The following SLC12A7 variants were observed in gnomAD, a reference collection of about 807,000 sequenced individuals.
SLC12A7 encodes the protein solute carrier family 12 member 7, also known as K-Cl cotransporter 4.
Under a neutral mutation model 120.6 loss-of-function variants are expected in SLC12A7, and 100 were observed. The ratio of observed to expected loss-of-function variants is 0.83; its 90% confidence interval spans 0.71 to 0.98. SLC12A7 has a LOEUF of 0.98. SLC12A7 is among the 50% of genes least tolerant of loss of function. SLC12A7 has a pLI of 0.00. For synonymous variants in SLC12A7, 760 were observed against 678.0 expected, an observed-to-expected ratio of 1.12 and a Z score of -1.88; for missense variants, 1,373 against 1,548.1, an observed-to-expected ratio of 0.89 and a Z score of 1.90.
rs910549744 is a variant in SLC12A7, at chr5:1,051,305, C to T, written c.*1055G>A. The T allele has an allele frequency of 1.3e-5, 2 of 155,194 alleles. No homozygotes were observed. The highest frequency in any genetic ancestry group is 2.8e-5 in the Non-Finnish European group (2 of 71,928). 9.6% of individuals were successfully genotyped at this position (155,194 alleles called of 1,614,324 possible). On this transcript the variant is annotated 3_prime_UTR_variant, in exon 24 of 24. Transcript: ENST00000264930. ...GCCTGAGGACCTCCCACGTCGGGTC[C>T]GTGTCCTCCTTCCCTGGAGCACCGG...
chr5:1,083,002 C>T (rs1359715977), intron 8 of SLC12A7, among the ~76,000 whole-genome samples: 1 of 147,086 alleles, frequency 6.8e-6, no homozygotes, highest in East Asian at 2.0e-4. Context: ...GTCCGGGCTT[C>T]CCATCTCAGG....
In SLC12A7 at chr5:1,110,794, G is replaced by A. The variant is rs146091798; in HGVS notation, c.124+1074C>T. 1.3e-3 allele frequency among the ~76,000 whole-genome samples: 201 copies of A among 152,322 alleles called. 1 individual carries two copies. The highest frequency in any genetic ancestry group is 4.5e-3 in the African/African-American group (188 of 41,590). On this transcript the variant is annotated intron_variant, in intron 1 of 23. Coordinates refer to ENST00000264930, the MANE Select transcript of SLC12A7 (RefSeq NM_006598.3). Reference sequence around the variant, plus strand: ...GATCTGGGCTGGCCTCTGTGCAGAGGAAGCTGAGACCACTCTTCGCCCGCC... The same window carrying A: ...GATCTGGGCTGGCCTCTGTGCAGAGAAAGCTGAGACCACTCTTCGCCCGCC...
At chr5:1,117,555 C>G in the SLC12A7 span, among the ~76,000 whole-genome samples, 1 of 152,238 alleles carries the variant, frequency 6.6e-6, no homozygotes, top group Non-Finnish European at 1.5e-5. This position sits in a 1 kb window ranked among gnomAD's most constrained non-coding sequence, Gnocchi z 4.5. Context: ...CCTCCCTAAA[C>G]TGCTCCTAAA....
At chr5:1,112,129 T>G (rs2150916189), upstream of SLC12A7, 1 of 1,011,892 alleles carries the variant, frequency 9.9e-7, no homozygotes, top group East Asian at 3.7e-5. Context: ...TTCACCTGCT[T>G]GCCCCGCGGC....
At chr5:1,124,807 T>G in the SLC12A7 span, among the ~76,000 whole-genome samples, 1 of 151,948 alleles carries the variant, frequency 6.6e-6, no homozygotes, top group African/African-American at 2.4e-5. Flanking sequence ...AAAAAAGTGT[T>G]TAATCCAAAA....
At chr5:1,056,266 G>A (rs182426541) in intron 22 of SLC12A7, among the ~76,000 whole-genome samples, 18 of 152,272 alleles carry the variant, frequency 1.2e-4, no homozygotes, top group South Asian at 4.1e-4. Context: ...CGGGCCCTGC[G>A]AGGCGCACGC....
Position 1,077,965 on chromosome 5 carries a change from CAGCA to C in SLC12A7, c.1493_1496del (p.Met498ArgfsTer62). 1 of 1,596,014 alleles carries C rather than the reference CAGCA, an allele frequency of 6.3e-7. No homozygotes were observed. The highest frequency in any genetic ancestry group is 8.5e-7 in the Non-Finnish European group (1 of 1,172,146). ...CGATGACCCAGGGGGAGGGCCAGGC[CAGCA>C]TGCCGATGACCAGGTTCCCCTGCAG... On this transcript the variant is annotated frameshift_variant, in exon 12 of 24. Coordinates refer to ENST00000264930, the MANE Select transcript of SLC12A7 (RefSeq NM_006598.3). LOFTEE classifies it high-confidence loss of function.
chr5:1,088,848 A>C, intron 4 of SLC12A7, 134 bp downstream of exon 4: 23 of 1,093,928 alleles, frequency 2.1e-5, no homozygotes, highest in South Asian at 2.9e-5. Flanking sequence ...GCGTCTGGGG[A>C]GGGCCCTACT....
chr5:1,094,556 A>G (rs1740892431), intron 1 of SLC12A7, among the ~76,000 whole-genome samples: 1 of 152,192 alleles, frequency 6.6e-6, no homozygotes, highest in Admixed American at 6.5e-5. Flanking sequence ...TCCAGGGCAT[A>G]CGCTATCCCC....
chr5:1,144,154 G>A, the SLC12A7 span, among the ~76,000 whole-genome samples: 45,769 of 151,978 alleles, frequency 0.3, 7,199 homozygotes, highest in Middle Eastern at 0.35. Flanking sequence ...GGACGTGGAC[G>A]CACCCACCAA....
Position 1,105,934 on chromosome 5 carries a change from T to C in SLC12A7, c.124+5934A>G, listed in dbSNP as rs1014028389. Among the ~76,000 whole-genome samples the C allele has an allele frequency of 1.0e-3, 156 of 150,892 alleles. 3 individuals carry two copies. Among genetic ancestry groups the C allele is most frequent in the Non-Finnish European group, 1.8e-4 (12 of 67,666 alleles). ...CATGCCCCACAGTGGGAGGGGGAGG[T>C]CTACCCCTCAAGGCCCTGGCGGGCC... On this transcript the variant is annotated intron_variant, in intron 1 of 23. Transcript: ENST00000264930.
At chr5:1,061,472 G>A (rs62331167) in intron 20 of SLC12A7, among the ~76,000 whole-genome samples, 12,779 of 34,670 alleles carry the variant, frequency 0.37, 672 homozygotes, top group Non-Finnish European at 0.38. Context: ...AGTCTCACCC[G>A]CCGCACCCGC....
chr5:1,103,339 G>A (rs373524287), intron 1 of SLC12A7, among the ~76,000 whole-genome samples: 1 of 152,196 alleles, frequency 6.6e-6, no homozygotes, highest in African/African-American at 2.4e-5. Flanking sequence ...CCAGCTCACC[G>A]TCAGAGGCAC....
intron 22 of SLC12A7, 34 bp from the exon 23 acceptor site, chr5:1,053,516 G>C (rs375448616): frequency 6.2e-7 from 1 of 1,607,164 alleles, no homozygotes; most frequent in Admixed American, 1.7e-5. Context: ...AGCGGGCGGC[G>C]GGTGCACCCC....
intron 1 of SLC12A7, among the ~76,000 whole-genome samples, chr5:1,106,831 T>G (rs1341975027): frequency 6.6e-6 from 1 of 152,162 alleles, no homozygotes; most frequent in Non-Finnish European, 1.5e-5. Context: ...TCCCTCATAT[T>G]TTAGGACCCA....
chr5:1,075,262 C>G, intron 15 of SLC12A7, 109 bp downstream of exon 15: 1 of 1,453,188 alleles, frequency 6.9e-7, no homozygotes, highest in Non-Finnish European at 9.3e-7. Flanking sequence ...TGAGGGCACA[C>G]GACGCTCAAG....
At chr5:1,062,423 C>A (rs1437952356) in intron 20 of SLC12A7, among the ~76,000 whole-genome samples, 1 of 152,262 alleles carries the variant, frequency 6.6e-6, no homozygotes, top group East Asian at 1.9e-4. Flanking sequence ...AAGACACAGC[C>A]ACATGGAAAC....
intron 13 of SLC12A7, among the ~76,000 whole-genome samples, 175 bp from the exon 14 acceptor site, chr5:1,076,411 C>CCTGTGACCACCTGGTCCATCCTGTGACCA (rs750701193): frequency 6.6e-6 from 1 of 151,440 alleles, no homozygotes; most frequent in African/African-American, 2.4e-5. Context: ...CCCTCAGGTT[C>CCTGTGACCACCTGGTCCATCCTGTGACCA]CAGCCATCCT....
At chr5:1,110,065 G>GC (rs1194098782) in intron 1 of SLC12A7, among the ~76,000 whole-genome samples, 1 of 152,224 alleles carries the variant, frequency 6.6e-6, no homozygotes, top group Non-Finnish European at 1.5e-5. Flanking sequence ...GGGACTCCTC[G>GC]CCGCACCTCT....
Sources: gnomAD v4.1 joint callset for allele counts (sites outside exome capture counted in the v4.1 genomes callset) on GRCh38, gnomAD v4.1.1 for gene constraint, Gnocchi (gnomAD v3.1) non-coding constraint, MANE v1.5 for transcripts, NCBI Gene and HGNC (gene_info 2026-07-23, HGNC 2026-07-21) for gene names.